Variants in TANC1 observed in about 807,000 individuals in gnomAD.
The protein encoded by TANC1 is tetratricopeptide repeat, ankyrin repeat and coiled-coil containing 1, also known as protein TANC1.
Under a neutral mutation model 149.7 loss-of-function variants are expected in TANC1, and 77 were observed. That is an observed-to-expected ratio of 0.51 (90% CI 0.43 to 0.62). TANC1 has a LOEUF of 0.62. TANC1 is among the 20% of genes least tolerant of loss of function. The probability of loss-of-function intolerance (pLI) is 0.00; values close to 1 mark genes in which losing one functional copy is unlikely to be tolerated. For missense variants in TANC1, 1,985 were observed against 2,321.8 expected (o/e 0.85, Z 2.98); for synonymous variants, 854 against 925.0 (o/e 0.92, Z 1.39).
chr2:159,065,178 A>G (rs2042551395), intron 2 of TANC1, among the ~76,000 whole-genome samples: 1 of 152,164 alleles, frequency 6.6e-6, no homozygotes, highest in South Asian at 2.1e-4. Context: ...GACCTGGGCC[A>G]TTGTGTTTTT....
chr2:159,097,659 T>C lies in TANC1; in HGVS notation c.84T>C (p.Thr28=), dbSNP rs2046271758. 6.2e-7 allele frequency: 1 copy of C among 1,613,958 alleles called. No individual in the cohort carries two copies. The highest frequency in any genetic ancestry group is 8.5e-7 in the Non-Finnish European group (1 of 1,179,932). ...KEAGSDFGPE[T]SPVLHLDHSA... is the part of the protein sequence containing the mutation. Reference sequence around the variant, plus strand: ...TAGGAAGTGACTTTGGTCCAGAGACTTCTCCAGTCCTGCACCTTGACCACA... The same window carrying C: ...TAGGAAGTGACTTTGGTCCAGAGACCTCTCCAGTCCTGCACCTTGACCACA... The change falls in exon 4 of 27, where the codon ACT becomes ACC. Residue 28 remains threonine (T), a synonymous_variant. Coordinates refer to ENST00000263635, the MANE Select transcript of TANC1 (RefSeq NM_033394.3).
intron 4 of TANC1, among the ~76,000 whole-genome samples, chr2:159,115,757 G>C (rs969244241): frequency 1.3e-5 from 2 of 152,122 alleles, no homozygotes; most frequent in South Asian, 4.1e-4. Flanking sequence ...ATTCTGTTGT[G>C]CCTCATGACT....
At chr2:159,216,033 G>C (rs943600163) in intron 19 of TANC1, among the ~76,000 whole-genome samples, 1 of 151,608 alleles carries the variant, frequency 6.6e-6, no homozygotes, top group African/African-American at 2.4e-5. Context: ...TGCTGGGTGG[G>C]GAGATACACC....
At chr2:158,969,044 C>T (rs543929231) in intron 1 of TANC1, among the ~76,000 whole-genome samples, 14 of 152,330 alleles carry the variant, frequency 9.2e-5, no homozygotes, top group African/African-American at 3.4e-4. Context: ...TTGCGCGGTT[C>T]CCCCGCGCCG....
chr2:159,223,355 A>G (rs2059821345), intron 22 of TANC1, among the ~76,000 whole-genome samples: 2 of 152,036 alleles, frequency 1.3e-5, no homozygotes, highest in African/African-American at 2.4e-5. Flanking sequence ...ACATCTTCTC[A>G]TATGCTTGTT....
intron 2 of TANC1, among the ~76,000 whole-genome samples, chr2:159,025,145 T>C (rs114946361): frequency 0.027 from 4,148 of 151,316 alleles, 103 homozygotes; most frequent in Middle Eastern, 0.065. Flanking sequence ...TTTCTTTTTC[T>C]TTCTTTCTCT....
chr2:159,125,346 C>T (rs911576693), intron 4 of TANC1, among the ~76,000 whole-genome samples: 1 of 152,134 alleles, frequency 6.6e-6, no homozygotes, highest in Non-Finnish European at 1.5e-5. Flanking sequence ...TTTATTGCTG[C>T]CCTGAGAAAT....
intron 7 of TANC1, among the ~76,000 whole-genome samples, chr2:159,159,898 A>G (rs2053869249): frequency 2.0e-5 from 3 of 152,038 alleles, no homozygotes; most frequent in African/African-American, 7.2e-5. Flanking sequence ...ATGTGTGCCT[A>G]TAGTCCCAGC....
At position 159,230,877 on chromosome 2, in the gene TANC1, C is replaced by T; in HGVS notation, c.5451C>T (p.Asn1817=). ...AAATTCCAGTCCACTCTCAAGAGAACAGGATAACTAAGACTGTTTCTCATC... is the reference window on the plus strand; with the variant it reads ...AAATTCCAGTCCACTCTCAAGAGAATAGGATAACTAAGACTGTTTCTCATC... ...KCQIPVHSQE[N]RITKTVSHLY... The change falls in exon 27 of 27, where the codon AAC becomes AAT. Residue 1817 remains asparagine (N), a synonymous_variant. Transcript: ENST00000263635. The surrounding 1 kb of genome is among the most constrained non-coding windows in gnomAD (Gnocchi z 4.4). The T allele has an allele frequency of 5.0e-6, 8 of 1,614,182 alleles. No homozygotes were observed. The highest frequency in any genetic ancestry group is 2.2e-5 in the East Asian group (1 of 44,888).
intron 2 of TANC1, among the ~76,000 whole-genome samples, chr2:159,024,281 G>A (rs567582801): frequency 4.6e-5 from 7 of 152,264 alleles, no homozygotes; most frequent in African/African-American, 1.4e-4. Context: ...ATGTTATAGT[G>A]CAGTTACCTT....
chr2:159,204,938 C>T (rs543764655), intron 19 of TANC1, among the ~76,000 whole-genome samples: 8 of 152,320 alleles, frequency 5.3e-5, no homozygotes, highest in African/African-American at 9.6e-5. Flanking sequence ...TTCCACTTGG[C>T]ATGTGTGCTC....
chr2:159,169,138 A>G, intron 8 of TANC1, 112 bp from the exon 9 acceptor site: 1 of 727,948 alleles, frequency 1.4e-6, no homozygotes, highest in Non-Finnish European at 2.1e-6. Flanking sequence ...AGTTTAAGTA[A>G]ATTTTGTTGA....
chr2:159,012,503 A>G (rs185445994), intron 2 of TANC1, among the ~76,000 whole-genome samples: 5 of 151,810 alleles, frequency 3.3e-5, no homozygotes, highest in East Asian at 1.9e-4. Context: ...GCCCCTCTCT[A>G]TTGTGGCGGT....
intron 1 of TANC1, among the ~76,000 whole-genome samples, chr2:158,973,152 G>A (rs1482618108): frequency 6.6e-6 from 1 of 152,190 alleles, no homozygotes; most frequent in African/African-American, 2.4e-5. Context: ...ATAGTTCCTG[G>A]ATTTTAGCAC....
In TANC1 at chr2:159,179,168, G is replaced by A. The variant is rs776832983; in HGVS notation, c.2510+5G>A. On this transcript the variant is annotated splice_donor_5th_base_variant and intron_variant, in intron 14 of 26. Transcript: ENST00000263635. ...GGCCTTCCTGTGTGAGCCCAGGTAC[G>A]GCAGGCGCTTTCTTTCAGCTCTTTG... 79 of 1,601,876 alleles carry A rather than the reference G, an allele frequency of 4.9e-5. No individual in the cohort carries two copies. The African/African-American group carries it at 9.1e-4, about 19-fold the overall frequency.
At chr2:158,988,325 CAAAA>C (rs1285907133) in intron 1 of TANC1, among the ~76,000 whole-genome samples, 3 of 87,398 alleles carry the variant, frequency 3.4e-5, no homozygotes, top group African/African-American at 4.2e-5. Context: ...GACCCTGTCC[CAAAA>C]AAAAAAAAAA....
rs35552387 is a variant in TANC1 at position 159,197,604 on chromosome 2, AAC to A, written c.3165+835_3165+836del. On this transcript the variant is annotated intron_variant, in intron 18 of 26. Transcript: ENST00000263635. ...TGGCTAATTTCTGGTTTAAACATTA[AAC>A]ACACACACACACACACACACACAGA... Among the ~76,000 whole-genome samples, 565 of 143,696 alleles carry A rather than the reference AAC, an allele frequency of 3.9e-3. 1 individual carries two copies. Among genetic ancestry groups the A allele is most frequent in the African/African-American group, 0.011 (439 of 40,802 alleles). The allele number at this position is 143,696 out of a possible 152,430, so 94.3% of individuals were successfully genotyped here.
chr2:159,149,156 A>AATGAACCGAGCTGTTC lies in TANC1; in HGVS notation c.380_395dup (p.Pro133Ter). On this transcript the variant is annotated frameshift_variant, in exon 6 of 27. Coordinates refer to ENST00000263635, the MANE Select transcript of TANC1 (RefSeq NM_033394.3). LOFTEE classifies it high-confidence loss of function. ...CTTTGTTCCAGAAGCAAAGGCCGAT[A>AATGAACCGAGCTGTTC]ATGAACCGAGCTGTTCGCCGGCAGC... 1 of 1,599,578 alleles carries AATGAACCGAGCTGTTC rather than the reference A, an allele frequency of 6.3e-7. No homozygotes were observed.
rs1428311049 is a variant in TANC1, at chr2:159,105,025, C to T, written c.259+7191C>T. On this transcript the variant is annotated intron_variant, in intron 4 of 26. Transcript: ENST00000263635. ...TTTTTTTTTTTTTGAGATGGAGTCT[C>T]GCTCTATTGCCCAGGCTGGAGTGCA... Among the ~76,000 whole-genome samples the T allele has an allele frequency of 2.0e-4, 16 of 80,392 alleles. No individual in the cohort carries two copies. The Admixed American group carries it at 2.0e-3, about 10-fold the overall frequency. 52.7% of individuals were successfully genotyped at this position (80,392 alleles called of 152,430 possible). A position where few individuals can be genotyped will look rare whatever the true frequency, so the allele number is the denominator to read the frequency against.
Sources: gnomAD v4.1 joint callset for allele counts (sites outside exome capture counted in the v4.1 genomes callset) on GRCh38, gnomAD v4.1.1 for gene constraint, Gnocchi (gnomAD v3.1) non-coding constraint, MANE v1.5 for transcripts, NCBI Gene and HGNC (gene_info 2026-07-23, HGNC 2026-07-21) for gene names.